Variants in SGO1 observed in about 807,000 individuals in gnomAD.
SGO1 encodes shugoshin 1, also known as serologically defined breast cancer antigen NY-BR-85.
A neutral mutation model predicts 50.5 loss-of-function variants in SGO1; 39 were observed. That is an observed-to-expected ratio of 0.77 (90% CI 0.60 to 1.01). The LOEUF (loss-of-function observed/expected upper bound fraction) is 1.01, where lower values mean the gene tolerates loss of function less well. Ranked by LOEUF, SGO1 falls within the 50% of genes least tolerant of loss-of-function variation. The probability of loss-of-function intolerance (pLI) is 0.00; values close to 1 mark genes in which losing one functional copy is unlikely to be tolerated. For synonymous variants in SGO1, 191 were observed against 205.1 expected (o/e 0.93, Z 0.59); for missense variants, 638 against 606.0 (o/e 1.05, Z -0.55).
downstream of SGO1, among the ~76,000 whole-genome samples, chr3:20,165,957 A>G (rs1168904707): frequency 6.6e-5 from 10 of 151,960 alleles, no homozygotes; most frequent in Admixed American, 6.6e-4. Context: ...GGAGGCTGAG[A>G]CAGGAGAATC....
downstream of SGO1, among the ~76,000 whole-genome samples, chr3:20,164,962 G>T (rs183131924): frequency 4.1e-3 from 627 of 152,240 alleles, 2 homozygotes; most frequent in African/African-American, 0.014. Context: ...TCATTTTAAG[G>T]AAAACACAGA....
rs774989034 is a variant in SGO1, at chr3:20,183,997, A to G, written c.31T>C (p.Phe11Leu). The G allele has an allele frequency of 2.5e-6, 4 of 1,593,706 alleles. 1 individual carries two copies. In the South Asian group the frequency reaches 4.7e-5, roughly 19 times the overall value. ...TTTATGTCTTCAAGACTATCTTGAA[A>G]GGACTTTTTCAGGCATCTTTCCTTG... MAKERCLKKSFQDSLEDIKKR... is the reference protein window; with the variant it reads MAKERCLKKSLQDSLEDIKKR... The change falls in exon 2 of 8, where the codon TTT becomes CTT. Residue 11 changes from phenylalanine to leucine, a missense_variant. Coordinates refer to ENST00000412997, the MANE Select transcript of SGO1 (RefSeq NM_001199251.3).
At chr3:20,164,075 T>G (rs1283857379) in intron 8 of SGO1, among the ~76,000 whole-genome samples, 3 of 152,192 alleles carry the variant, frequency 2.0e-5, no homozygotes, top group Non-Finnish European at 2.9e-5. Flanking sequence ...GTGAACCCCT[T>G]TTATGAGGCT....
intron 6 of SGO1, among the ~76,000 whole-genome samples, chr3:20,172,631 C>T (rs1397509635): frequency 4.0e-5 from 6 of 150,186 alleles, no homozygotes; most frequent in African/African-American, 9.8e-5. Flanking sequence ...ATATTTTTTT[C>T]GTTTAAAAAC....
chr3:20,180,997 C>T (rs917194202), intron 3 of SGO1, among the ~76,000 whole-genome samples: 2 of 152,096 alleles, frequency 1.3e-5, no homozygotes, highest in Admixed American at 1.3e-4. Context: ...TGTGGCAGTG[C>T]ATGCCTATAG....
rs373453727 is a variant in SGO1, at chr3:20,174,435, C to G, written c.1096G>C (p.Val366Leu). 3 of 1,614,146 alleles carry G rather than the reference C, an allele frequency of 1.9e-6. No individual in the cohort carries two copies. In the East Asian group the frequency reaches 6.7e-5, roughly 36 times the overall value. The change falls in exon 6 of 8, where the codon GTG becomes CTG. Residue 366 changes from valine (V) to leucine (L), a missense_variant. Physicochemically the swap from Val to Leu is conservative, Grantham distance 32. Coordinates refer to ENST00000412997, the MANE Select transcript of SGO1 (RefSeq NM_001199251.3). ...GAACCACTTGATTCACAGAGGCTCACTTCAGACTCGTTGTTTTCTTCTCTA... is the reference window on the plus strand; with the variant it reads ...GAACCACTTGATTCACAGAGGCTCAGTTCAGACTCGTTGTTTTCTTCTCTA... ...SNREENNESE[V>L]SLCESSGSGD...
At chr3:20,172,001 T>C (rs1050880871) in intron 6 of SGO1, among the ~76,000 whole-genome samples, 2 of 152,232 alleles carry the variant, frequency 1.3e-5, no homozygotes, top group African/African-American at 4.8e-5. Context: ...ACTATAACTG[T>C]GAAATGATTG....
rs17006691 is a variant in SGO1 at position 20,169,966 on chromosome 3, T to C, written c.*738A>G. 8.2e-3 allele frequency: 8,092 copies of C among 983,890 alleles called. 467 individuals are homozygous for C. The African/African-American group carries it at 0.13, about 16-fold the overall frequency. The allele number at this position is 983,890 out of a possible 1,614,324, so 60.9% of individuals were successfully genotyped here. ...CACAATAATTTATTTTACTCAAATA[T>C]TGTACTAAAGAGTTTCAAAAGATCC... On this transcript the variant is annotated 3_prime_UTR_variant, in exon 8 of 8. Transcript: ENST00000412997.
Position 20,170,310 on chromosome 3 carries a change from A to G in SGO1, c.*394T>C. Reference sequence around the variant, plus strand: ...CTACTCGGGAGTCTGAGGCAGGAGAATCGCTTGAACCTGGGAGGCGGAGGT... The same window carrying G: ...CTACTCGGGAGTCTGAGGCAGGAGAGTCGCTTGAACCTGGGAGGCGGAGGT... On this transcript the variant is annotated 3_prime_UTR_variant, in exon 8 of 8. Coordinates refer to ENST00000412997, the MANE Select transcript of SGO1 (RefSeq NM_001199251.3). 3 of 545,284 alleles carry G rather than the reference A, an allele frequency of 5.5e-6. No individual in the cohort carries two copies. Among genetic ancestry groups the G allele is most frequent in the Non-Finnish European group, 7.0e-6 (3 of 428,450 alleles). 33.8% of individuals were successfully genotyped at this position (545,284 alleles called of 1,614,324 possible).
At chr3:20,175,185 AT>A (rs1701244816) in intron 5 of SGO1, 130 bp from the exon 6 acceptor site, 3 of 972,570 alleles carry the variant, frequency 3.1e-6, no homozygotes, top group African/African-American at 3.4e-5. Flanking sequence ...ACATTATAAA[AT>A]CTGTAAATAA....
At chr3:20,171,785 C>T (rs1016558706) in intron 6 of SGO1, among the ~76,000 whole-genome samples, 1 of 152,116 alleles carries the variant, frequency 6.6e-6, no homozygotes, top group Non-Finnish European at 1.5e-5. Flanking sequence ...AATGAGAATT[C>T]TAAATAACAG....
chr3:20,172,752 C>T (rs1202479604), intron 6 of SGO1, among the ~76,000 whole-genome samples: 1 of 147,476 alleles, frequency 6.8e-6, no homozygotes, highest in Non-Finnish European at 1.5e-5. Flanking sequence ...GAATTTGAGA[C>T]CACCCTGGCA....
chr3:20,161,366 AAGTC>A, intron 8 of SGO1: 4 of 1,313,446 alleles, frequency 3.0e-6, no homozygotes, highest in South Asian at 3.5e-5. Context: ...AAACAATCAA[AAGTC>A]AGCAGATACA....
At position 20,170,692 on chromosome 3, in the gene SGO1, C is replaced by A. The variant is rs761397128; in HGVS notation, c.*12G>T. Reference sequence around the variant, plus strand: ...GGTGTAGATTGAATTTAAACAATATCCAACAAAACCTTCATTGTATTTGTT... The same window carrying A: ...GGTGTAGATTGAATTTAAACAATATACAACAAAACCTTCATTGTATTTGTT... On this transcript the variant is annotated 3_prime_UTR_variant, in exon 8 of 8. Transcript: ENST00000412997. 6.4e-7 allele frequency: 1 copy of A among 1,557,366 alleles called. No individual in the cohort carries two copies. Among genetic ancestry groups the A allele is most frequent in the Non-Finnish European group, 8.6e-7 (1 of 1,159,906 alleles).
At chr3:20,176,938 G>A (rs17006698) in intron 4 of SGO1, among the ~76,000 whole-genome samples, 4,894 of 152,140 alleles carry the variant, frequency 0.032, 207 homozygotes, top group East Asian at 0.2. Context: ...ATTTAACTAC[G>A]GAAACAGCCC....
In SGO1 at chr3:20,170,413, G is replaced by T; in HGVS notation, c.*291C>A. On this transcript the variant is annotated 3_prime_UTR_variant, in exon 8 of 8. Coordinates refer to ENST00000412997, the MANE Select transcript of SGO1 (RefSeq NM_001199251.3). ...AATTCCGCCTCCAAAAAAAAAAAAA[G>T]ATATATTTCGACTAAAATTAAGAGG... 1.1e-6 allele frequency: 1 copy of T among 945,304 alleles called. No homozygotes were observed. Among genetic ancestry groups the T allele is most frequent in the Non-Finnish European group, 1.3e-6 (1 of 790,776 alleles). The allele number at this position is 945,304 out of a possible 1,614,324, so 58.6% of individuals were successfully genotyped here.
At position 20,170,411 on chromosome 3, in the gene SGO1, A is replaced by G. The variant is rs1575191788; in HGVS notation, c.*293T>C. The G allele has an allele frequency of 1.0e-6, 1 of 986,212 alleles. No homozygotes were observed. The highest frequency in any genetic ancestry group is 1.2e-6 in the Non-Finnish European group (1 of 827,590). 61.1% of individuals were successfully genotyped at this position (986,212 alleles called of 1,614,324 possible). On this transcript the variant is annotated 3_prime_UTR_variant, in exon 8 of 8. Transcript: ENST00000412997. Reference sequence around the variant, plus strand: ...GAAATTCCGCCTCCAAAAAAAAAAAAAGATATATTTCGACTAAAATTAAGA... The same window carrying G: ...GAAATTCCGCCTCCAAAAAAAAAAAGAGATATATTTCGACTAAAATTAAGA...
At chr3:20,181,266 T>A (rs1701991089) in intron 3 of SGO1, among the ~76,000 whole-genome samples, 1 of 152,262 alleles carries the variant, frequency 6.6e-6, no homozygotes, top group Non-Finnish European at 1.5e-5. Flanking sequence ...AACTATATAC[T>A]AATATAACTT....
intron 1 of SGO1, 77 bp from the exon 2 acceptor site, chr3:20,184,111 A>G: frequency 1.7e-6 from 2 of 1,165,808 alleles, no homozygotes; most frequent in Non-Finnish European, 2.4e-6. Flanking sequence ...CTGTTCATAA[A>G]GAATGCATTA....
Sources: gnomAD v4.1 joint callset for allele counts (sites outside exome capture counted in the v4.1 genomes callset) on GRCh38, gnomAD v4.1.1 for gene constraint, MANE v1.5 for transcripts, NCBI Gene and HGNC (gene_info 2026-07-23, HGNC 2026-07-21) for gene names.